Variants in UGCG observed in about 807,000 individuals in gnomAD.
UGCG encodes the protein UDP-glucose ceramide glucosyltransferase.
In UGCG, 10 loss-of-function variants were observed where a neutral mutation model predicts 49.5. That is an observed-to-expected ratio of 0.20 (90% CI 0.12 to 0.34). The LOEUF (loss-of-function observed/expected upper bound fraction) is 0.34, where lower values mean the gene tolerates loss of function less well. Among genes scored for constraint, UGCG ranks in the 10% least tolerant of loss-of-function variants. The pLI is 1.00. For missense variants in UGCG, 312 were observed against 483.7 expected (o/e 0.65, Z 3.33); for synonymous variants, 182 against 158.2 (o/e 1.15, Z -1.13).
intron 1 of UGCG, among the ~76,000 whole-genome samples, chr9:111,902,858 A>C (rs1455386512): frequency 2.0e-5 from 3 of 151,574 alleles, no homozygotes; most frequent in Middle Eastern, 3.4e-3. Flanking sequence ...GCTTACTGCA[A>C]CCTCCGCCTT....
Position 111,932,985 on chromosome 9 carries a change from C to A in UGCG, c.1173C>A (p.Ile391=). ...RLRCGGTAEE[I]LDV ...GCTGTGGGGGTACAGCAGAGGAAAT[C>A]CTAGATGTATAACTACAGCTTTGTG... The change falls in exon 9 of 9, where the codon ATC becomes ATA. Residue 391 remains isoleucine, a synonymous_variant. Transcript: ENST00000374279. 1 of 1,581,930 alleles carries A rather than the reference C, an allele frequency of 6.3e-7. No individual in the cohort carries two copies. The highest frequency in any genetic ancestry group is 8.6e-7 in the Non-Finnish European group (1 of 1,163,548).
At chr9:111,901,560 A>G (rs1481578298) in intron 1 of UGCG, among the ~76,000 whole-genome samples, 1 of 152,182 alleles carries the variant, frequency 6.6e-6, no homozygotes, top group African/African-American at 2.4e-5. Context: ...GAGAGCATCA[A>G]GAAGAATAGT....
At chr9:111,898,544 A>T (rs1476444110) in intron 1 of UGCG, among the ~76,000 whole-genome samples, 5 of 152,226 alleles carry the variant, frequency 3.3e-5, no homozygotes, top group Admixed American at 6.5e-5. Flanking sequence ...GAAAGAAAAC[A>T]TGCCACTTGG....
At chr9:111,926,539 C>T (rs1352781309) in intron 5 of UGCG, 43 bp downstream of exon 5, 1 of 1,437,796 alleles carries the variant, frequency 7.0e-7, no homozygotes, top group East Asian at 2.4e-5. Context: ...TATCAGACCC[C>T]TCATTTCCCA....
At chr9:111,899,113 T>G (rs1219331327) in intron 1 of UGCG, among the ~76,000 whole-genome samples, 1 of 152,246 alleles carries the variant, frequency 6.6e-6, no homozygotes, top group Non-Finnish European at 1.5e-5. Flanking sequence ...TTATTACTGA[T>G]GGATGTTTAG....
At chr9:111,904,831 C>T (rs1267135366) in intron 1 of UGCG, among the ~76,000 whole-genome samples, 1 of 152,128 alleles carries the variant, frequency 6.6e-6, no homozygotes, top group Non-Finnish European at 1.5e-5. Flanking sequence ...CATTGCTCTC[C>T]AGCCTGGGCA....
chr9:111,930,495 T>C (rs911189026), intron 6 of UGCG, among the ~76,000 whole-genome samples: 1 of 148,946 alleles, frequency 6.7e-6, no homozygotes, highest in Non-Finnish European at 1.5e-5. Flanking sequence ...TTTGAGACAG[T>C]CTCGCCCTGA....
At chr9:111,923,464 T>C (rs997093775) in intron 3 of UGCG, among the ~76,000 whole-genome samples, 1 of 152,148 alleles carries the variant, frequency 6.6e-6, no homozygotes, top group African/African-American at 2.4e-5. Flanking sequence ...CGGGCAATGA[T>C]TTAAATTTTT....
At position 111,933,081 on chromosome 9, in the gene UGCG, C is replaced by A; in HGVS notation, c.*84C>A. ...ATAAATGCTTTTAAAAATCTACCTT[C>A]TGTAGTTTTATCACATGTATGTTTT... is the stretch of plus-strand genomic sequence containing the variant. On this transcript the variant is annotated 3_prime_UTR_variant, in exon 9 of 9. Transcript: ENST00000374279. The A allele has an allele frequency of 8.2e-7, 1 of 1,221,934 alleles. No homozygotes were observed. The highest frequency in any genetic ancestry group is 3.2e-5 in the South Asian group (1 of 30,892). 75.7% of individuals were successfully genotyped at this position (1,221,934 alleles called of 1,614,324 possible). A position where few individuals can be genotyped will look rare whatever the true frequency, so the allele number is the denominator to read the frequency against.
intron 1 of UGCG, among the ~76,000 whole-genome samples, chr9:111,900,882 C>T (rs1837756061): frequency 6.6e-6 from 1 of 151,952 alleles, no homozygotes; most frequent in Admixed American, 6.6e-5. Context: ...TTTTTTGAGA[C>T]AGTCCTCTCT....
chr9:111,903,427 T>C (rs1166793670), intron 1 of UGCG, among the ~76,000 whole-genome samples: 2 of 149,616 alleles, frequency 1.3e-5, no homozygotes, highest in Non-Finnish European at 2.9e-5. Flanking sequence ...TAGCTGGGTG[T>C]GGTGGCAGGC....
chr9:111,920,291 A>T (rs566548756), intron 2 of UGCG, among the ~76,000 whole-genome samples: 2 of 152,256 alleles, frequency 1.3e-5, no homozygotes, highest in African/African-American at 4.8e-5. Context: ...TCATTTGACA[A>T]AAAATCTTAT....
intron 2 of UGCG, among the ~76,000 whole-genome samples, chr9:111,917,417 A>G (rs1838130691): frequency 6.6e-6 from 1 of 152,228 alleles, no homozygotes; most frequent in African/African-American, 2.4e-5. Context: ...TTGTGTCACC[A>G]AGAAGTCAAG....
At chr9:111,912,043 T>TCCTGTTG (rs1838020460) in intron 1 of UGCG, among the ~76,000 whole-genome samples, 1 of 141,388 alleles carries the variant, frequency 7.1e-6, no homozygotes, top group Non-Finnish European at 1.5e-5. Flanking sequence ...TATATATATA[T>TCCTGTTG]ATATATATAT....
At chr9:111,915,866 A>G (rs1356235701) in intron 2 of UGCG, 1 of 965,270 alleles carries the variant, frequency 1.0e-6, no homozygotes, top group Admixed American at 6.2e-5. Flanking sequence ...ATTCAGTTGT[A>G]TTTTTAGTGT....
At chr9:111,897,657 GT>G (rs528031639) in intron 1 of UGCG, among the ~76,000 whole-genome samples, 3 of 152,004 alleles carry the variant, frequency 2.0e-5, no homozygotes, top group African/African-American at 7.3e-5. Flanking sequence ...ATGGTGTATT[GT>G]TTTTTTCTCC....
intron 8 of UGCG, 38 bp downstream of exon 8, chr9:111,932,397 G>C: frequency 6.4e-7 from 1 of 1,574,074 alleles, no homozygotes; most frequent in Non-Finnish European, 8.7e-7. Flanking sequence ...CAGTCCCTTG[G>C]TGGAACTAGA....
At position 111,924,886 on chromosome 9, in the gene UGCG, T is replaced by C; in HGVS notation, c.445+8T>C. 1 of 1,404,400 alleles carries C rather than the reference T, an allele frequency of 7.1e-7. No individual in the cohort carries two copies. Among genetic ancestry groups the C allele is most frequent in the Non-Finnish European group, 9.4e-7 (1 of 1,059,208 alleles). 87.0% of individuals were successfully genotyped at this position (1,404,400 alleles called of 1,614,324 possible). On this transcript the variant is annotated splice_region_variant and intron_variant, in intron 4 of 8. Coordinates refer to ENST00000374279, the MANE Select transcript of UGCG (RefSeq NM_003358.3). Reference sequence around the variant, plus strand: ...GTGATAGTGGAATAAGAGGTGAGGTTTTTTTCTTATTTATTTTATAAAACT... The same window carrying C: ...GTGATAGTGGAATAAGAGGTGAGGTCTTTTTCTTATTTATTTTATAAAACT...
At chr9:111,925,288 G>A (rs1050363788) in intron 4 of UGCG, among the ~76,000 whole-genome samples, 6 of 152,100 alleles carry the variant, frequency 3.9e-5, no homozygotes, top group African/African-American at 7.2e-5. Flanking sequence ...TACACTTATC[G>A]GACTATACAC....
Sources: allele counts gnomAD v4.1 joint callset (sites outside exome capture counted in the v4.1 genomes callset), GRCh38; gene constraint gnomAD v4.1.1; transcripts MANE v1.5; gene names NCBI Gene and HGNC (gene_info 2026-07-23, HGNC 2026-07-21).